YWHAQ: variants seen among roughly 807,000 people sequenced by gnomAD.
YWHAQ encodes the protein 14-3-3 protein theta.
YWHAQ carries 6 observed loss-of-function variants against 28.3 expected under a neutral mutation model. The ratio of observed to expected loss-of-function variants is 0.21; its 90% CI spans 0.12 to 0.42. YWHAQ has a LOEUF of 0.42. Among genes scored for constraint, YWHAQ ranks in the 10% least tolerant of loss-of-function variants. The probability of loss-of-function intolerance (pLI) is 1.00; values close to 1 mark genes in which losing one functional copy is unlikely to be tolerated. For missense variants in YWHAQ, 201 were observed against 305.6 expected, an observed-to-expected ratio of 0.66 and a Z score of 2.55; for synonymous variants, 143 against 119.1, an observed-to-expected ratio of 1.20 and a Z score of -1.31.
At chr2:9,589,587 T>TTAA (rs61426426) in intron 3 of YWHAQ, among the ~76,000 whole-genome samples, 2,456 of 151,888 alleles carry the variant, frequency 0.016, 81 homozygotes, top group African/African-American at 0.057. Flanking sequence ...CCATTCAAAA[T>TTAA]TAATAATAAT....
rs571530065 is a variant in YWHAQ, at chr2:9,627,551, T to C, written c.294+2608A>G. Among the ~76,000 whole-genome samples, 3 of 152,310 alleles carry C rather than the reference T, an allele frequency of 2.0e-5. No individual in the cohort carries two copies. In the East Asian group the frequency reaches 5.8e-4, roughly 29 times the overall value. ...ACCACGAATTCTAGATGCTGCTACA[T>C]GTACAGTGGTGCTGACATCTGTAAT... On this transcript the variant is annotated intron_variant, in intron 2 of 5. Transcript: ENST00000238081.
intron 2 of YWHAQ, chr2:9,620,673 G>A (rs1413349221): frequency 6.6e-6 from 1 of 152,082 alleles, no homozygotes; most frequent in African/African-American, 2.4e-5. Flanking sequence ...GGAATTAACA[G>A]GGACTTTTAT....
intron 2 of YWHAQ, among the ~76,000 whole-genome samples, chr2:9,623,968 C>T (rs1387245925): frequency 6.6e-6 from 1 of 152,080 alleles, no homozygotes. Flanking sequence ...AGAAGTGGCA[C>T]TTTGAAAATA....
intron 3 of YWHAQ, among the ~76,000 whole-genome samples, chr2:9,588,574 C>G (rs1415586214): frequency 6.6e-6 from 1 of 152,024 alleles, no homozygotes; most frequent in Non-Finnish European, 1.5e-5. Flanking sequence ...AGTTCAAGAC[C>G]AGTCTAGCCA....
intron 2 of YWHAQ, among the ~76,000 whole-genome samples, chr2:9,607,150 G>A (rs1572996997): frequency 1.3e-5 from 2 of 151,830 alleles, no homozygotes; most frequent in Middle Eastern, 6.8e-3. Context: ...CAAAGTGCTG[G>A]GATTACAGGC....
intron 5 of YWHAQ, among the ~76,000 whole-genome samples, chr2:9,586,727 G>A (rs1422335081): frequency 6.6e-6 from 1 of 152,122 alleles, no homozygotes; most frequent in African/African-American, 2.4e-5. Context: ...AAATGATAAA[G>A]CACCAAACTA....
chr2:9,591,047 C>T (rs985537539), intron 3 of YWHAQ, among the ~76,000 whole-genome samples: 1 of 152,092 alleles, frequency 6.6e-6, no homozygotes, highest in Non-Finnish European at 1.5e-5. Flanking sequence ...ATAGAAAGGC[C>T]ATGTGAAATG....
At chr2:9,610,938 T>C (rs886277069) in intron 2 of YWHAQ, among the ~76,000 whole-genome samples, 3 of 152,182 alleles carry the variant, frequency 2.0e-5, no homozygotes, top group Non-Finnish European at 2.9e-5. Context: ...CACCCTACTC[T>C]TTCTTTGGAC....
At chr2:9,603,117 T>C (rs1416493691) in intron 2 of YWHAQ, among the ~76,000 whole-genome samples, 1 of 151,716 alleles carries the variant, frequency 6.6e-6, no homozygotes, top group African/African-American at 2.4e-5. Context: ...AACATTCATA[T>C]AGCTAAAGTA....
chr2:9,598,718 T>C (rs1353983531), intron 2 of YWHAQ, among the ~76,000 whole-genome samples: 1 of 152,224 alleles, frequency 6.6e-6, no homozygotes, highest in East Asian at 1.9e-4. Flanking sequence ...CGATATATGC[T>C]GTGTCTGTTC....
intron 2 of YWHAQ, chr2:9,615,474 T>A (rs925244643): frequency 6.6e-6 from 1 of 150,582 alleles, no homozygotes; most frequent in Non-Finnish European, 1.5e-5. Context: ...CCACAGGTAG[T>A]TTCATGTGGT....
chr2:9,618,470 T>C (rs1446830891), intron 2 of YWHAQ, among the ~76,000 whole-genome samples: 2 of 152,132 alleles, frequency 1.3e-5, no homozygotes, highest in African/African-American at 4.8e-5. Context: ...CACTATGACT[T>C]TTCAATATAT....
chr2:9,629,166 A>C (rs576629430), intron 2 of YWHAQ, among the ~76,000 whole-genome samples: 1 of 152,214 alleles, frequency 6.6e-6, no homozygotes, highest in East Asian at 1.9e-4. Context: ...CTAAAATATG[A>C]TGTGCACAAA....
In YWHAQ at chr2:9,630,754, G is replaced by A. The variant is rs6754559; in HGVS notation, c.-83+187C>T. 0.039 allele frequency: 5,891 copies of A among 152,018 alleles called. 350 individuals carry two copies. The highest frequency in any genetic ancestry group is 0.13 in the African/African-American group (5,194 of 41,358). 9.4% of individuals were successfully genotyped at this position (152,018 alleles called of 1,614,324 possible). A position where few individuals can be genotyped will look rare whatever the true frequency, so the allele number is the denominator to read the frequency against. ...CCGCGCGCAGGGAGCCCGAGCCGCGGCCGCTCCCGCCACCCCCGCCCGGCC... is the reference window on the plus strand; with the variant it reads ...CCGCGCGCAGGGAGCCCGAGCCGCGACCGCTCCCGCCACCCCCGCCCGGCC... On this transcript the variant is annotated intron_variant, in intron 1 of 5. Transcript: ENST00000238081. This position sits in a 1 kb window ranked among gnomAD's most constrained non-coding sequence, Gnocchi z 5.6.
rs1431632458 is a variant in YWHAQ at position 9,630,953 on chromosome 2, G to C, written c.-95C>G. Reference sequence around the variant, plus strand: ...CCCAGGCGCTCACCTTCACGTCTCCGCGGCCGCGACGCGAGTCCCACCACT... The same window carrying C: ...CCCAGGCGCTCACCTTCACGTCTCCCCGGCCGCGACGCGAGTCCCACCACT... On this transcript the variant is annotated 5_prime_UTR_variant, in exon 1 of 6. Coordinates refer to ENST00000238081, the MANE Select transcript of YWHAQ (RefSeq NM_006826.4). The surrounding 1 kb of genome is among the most constrained non-coding windows in gnomAD (Gnocchi z 5.6). The C allele has an allele frequency of 1.3e-5, 2 of 152,686 alleles. No homozygotes were observed. Among genetic ancestry groups the C allele is most frequent in the African/African-American group, 2.4e-5 (1 of 41,452 alleles). 9.5% of individuals were successfully genotyped at this position (152,686 alleles called of 1,614,324 possible).
chr2:9,625,369 G>C (rs1667230582), intron 2 of YWHAQ, among the ~76,000 whole-genome samples: 1 of 151,998 alleles, frequency 6.6e-6, no homozygotes, highest in African/African-American at 2.4e-5. Context: ...TTACACTATT[G>C]TGTGTATAAG....
intron 2 of YWHAQ, among the ~76,000 whole-genome samples, chr2:9,625,207 A>G (rs1412298608): frequency 6.6e-6 from 1 of 150,760 alleles, no homozygotes; most frequent in African/African-American, 2.4e-5. Context: ...GGTTGCAGTG[A>G]GCTGAGATGG....
rs376617856 is a variant in YWHAQ, at chr2:9,603,707, C to T, written c.295-12192G>A. The stretch of plus-strand genomic sequence containing the variant: ...GGGAGGCTGAGGCAGATGGATCATT[C>T]GCGGTCAGGAGTTCGAGAGCAGCCT... On this transcript the variant is annotated intron_variant, in intron 2 of 5. Coordinates refer to ENST00000238081, the MANE Select transcript of YWHAQ (RefSeq NM_006826.4). Among the ~76,000 whole-genome samples the T allele has an allele frequency of 4.1e-4, 63 of 151,826 alleles. No homozygotes were observed. In the South Asian group the frequency reaches 0.011, roughly 27 times the overall value.
chr2:9,612,476 T>A (rs1016180278), intron 2 of YWHAQ, among the ~76,000 whole-genome samples: 19 of 152,208 alleles, frequency 1.2e-4, no homozygotes, highest in African/African-American at 4.6e-4. Flanking sequence ...CACAGCAGGG[T>A]GAGAAATCCA....
Sources: gnomAD v4.1 joint callset for allele counts (sites outside exome capture counted in the v4.1 genomes callset) on GRCh38, gnomAD v4.1.1 for gene constraint, Gnocchi (gnomAD v3.1) non-coding constraint, MANE v1.5 for transcripts, NCBI Gene and HGNC (gene_info 2026-07-23, HGNC 2026-07-21) for gene names.